Variants in ZNF704 observed in about 807,000 individuals in gnomAD.
The protein encoded by ZNF704 is glucocorticoid induced gene 1.
ZNF704 carries 10 observed loss-of-function variants against 44.7 expected under a neutral mutation model. That is an observed-to-expected ratio of 0.22 (90% CI 0.14 to 0.38). The LOEUF is 0.38. Among genes scored for constraint, ZNF704 ranks in the 10% least tolerant of loss-of-function variants. The probability of loss-of-function intolerance (pLI) is 1.00; values close to 1 mark genes in which losing one functional copy is unlikely to be tolerated. For synonymous variants in ZNF704, 211 were observed against 207.6 expected (o/e 1.02, Z -0.14); for missense variants, 390 against 545.5 (o/e 0.71, Z 2.84).
chr8:80,637,089 C>T lies in ZNF704; in HGVS notation c.*4277G>A, dbSNP rs1444363378. On this transcript the variant is annotated 3_prime_UTR_variant, in exon 9 of 9. Coordinates refer to ENST00000327835, the MANE Select transcript of ZNF704 (RefSeq NM_001033723.3). ...ACCCCCAGGCATTGCACCTGTGGTT[C>T]AAATGTTAGCCTTAGGCTACAGGTC... is the stretch of plus-strand genomic sequence containing the variant. 1 of 124,104 alleles carries T rather than the reference C, an allele frequency of 8.1e-6. No homozygotes were observed. Among genetic ancestry groups the T allele is most frequent in the African/African-American group, 3.0e-5 (1 of 33,690 alleles). The allele number at this position is 124,104 out of a possible 1,614,324, so 7.7% of individuals were successfully genotyped here. A position where few individuals can be genotyped will look rare whatever the true frequency, so the allele number is the denominator to read the frequency against.
intron 2 of ZNF704, among the ~76,000 whole-genome samples, chr8:80,808,688 A>G (rs1342784091): frequency 6.6e-6 from 1 of 152,198 alleles, no homozygotes. Context: ...GGCACTTTCA[A>G]CGTGATCGTT....
intron 1 of ZNF704, among the ~76,000 whole-genome samples, chr8:80,843,959 GTATATATATGTGTA>G (rs1323398225): frequency 7.2e-5 from 10 of 139,154 alleles, no homozygotes; most frequent in African/African-American, 2.3e-4. Context: ...ATATATATGT[GTATATATATGTGTA>G]TATATATATA....
At chr8:80,832,359 G>C (rs1002720109) in intron 1 of ZNF704, among the ~76,000 whole-genome samples, 24 of 152,166 alleles carry the variant, frequency 1.6e-4, no homozygotes, top group African/African-American at 5.8e-4. Context: ...GGTTTCCACA[G>C]GAAGATCATA....
chr8:80,692,741 C>A (rs1165840797), intron 3 of ZNF704, among the ~76,000 whole-genome samples: 1 of 152,134 alleles, frequency 6.6e-6, no homozygotes, highest in African/African-American at 2.4e-5. Context: ...GCAAAGACGT[C>A]CTGGCAAGGC....
chr8:80,789,403 A>C (rs1010783819), intron 2 of ZNF704, among the ~76,000 whole-genome samples: 1 of 152,152 alleles, frequency 6.6e-6, no homozygotes, highest in African/African-American at 2.4e-5. Flanking sequence ...TAATGTGCTA[A>C]GTTAAATTAA....
rs1386879063 is a variant in ZNF704 at position 80,759,945 on chromosome 8, T to A, written c.221+61429A>T. 2.0e-5 allele frequency among the ~76,000 whole-genome samples: 3 copies of A among 152,266 alleles called. No homozygotes were observed. In the South Asian group the frequency reaches 6.2e-4, roughly 32 times the overall value. Reference sequence around the variant, plus strand: ...ATTAAAAAAATACATTTTGTAGAGATGGGGATCTTACTATGTTACTCAGGC... The same window carrying A: ...ATTAAAAAAATACATTTTGTAGAGAAGGGGATCTTACTATGTTACTCAGGC... On this transcript the variant is annotated intron_variant, in intron 2 of 8. Coordinates refer to ENST00000327835, the MANE Select transcript of ZNF704 (RefSeq NM_001033723.3).
chr8:80,779,302 C>A (rs1440157964), intron 2 of ZNF704, among the ~76,000 whole-genome samples: 2 of 152,164 alleles, frequency 1.3e-5, no homozygotes, highest in Non-Finnish European at 2.9e-5. Context: ...TGTGCAGTGG[C>A]ACGATCTTGG....
chr8:80,734,533 TAGAA>T (rs1002902720), intron 2 of ZNF704, among the ~76,000 whole-genome samples: 46 of 152,322 alleles, frequency 3.0e-4, no homozygotes, highest in African/African-American at 1.1e-3. Flanking sequence ...TAATTTTCAT[TAGAA>T]AGGAAGGAAA....
At chr8:80,782,672 A>G (rs1029666292) in intron 2 of ZNF704, among the ~76,000 whole-genome samples, 1 of 152,138 alleles carries the variant, frequency 6.6e-6, no homozygotes, top group Non-Finnish European at 1.5e-5. Flanking sequence ...GACCAGGGTA[A>G]GAAAGAGCCT....
At chr8:80,735,438 G>A (rs1226687670) in intron 2 of ZNF704, among the ~76,000 whole-genome samples, 2 of 152,134 alleles carry the variant, frequency 1.3e-5, no homozygotes, top group Non-Finnish European at 2.9e-5. Context: ...CTATACACAG[G>A]TTACAAACCT....
intron 1 of ZNF704, among the ~76,000 whole-genome samples, chr8:80,826,933 TAAG>T (rs1808388041): frequency 6.6e-6 from 1 of 152,106 alleles, no homozygotes; most frequent in South Asian, 2.1e-4. Flanking sequence ...CTCAAAATAA[TAAG>T]AGCTATTTAT....
chr8:80,751,080 A>C (rs1305437920), intron 2 of ZNF704, among the ~76,000 whole-genome samples: 1 of 152,252 alleles, frequency 6.6e-6, no homozygotes, highest in Non-Finnish European at 1.5e-5. Flanking sequence ...AACAATGTTA[A>C]TGAGAAAACT....
chr8:80,731,503 T>A (rs1247608771), intron 2 of ZNF704, among the ~76,000 whole-genome samples: 3 of 152,212 alleles, frequency 2.0e-5, no homozygotes, highest in Non-Finnish European at 4.4e-5. Flanking sequence ...TAATGGGATT[T>A]CAATACTTCA....
intron 7 of ZNF704, among the ~76,000 whole-genome samples, chr8:80,656,487 G>GAA (rs1311369132): frequency 3.9e-5 from 6 of 152,264 alleles, no homozygotes; most frequent in African/African-American, 1.4e-4. Context: ...ACATGTCAAA[G>GAA]AAAGTTGTAA....
At chr8:80,747,753 G>A (rs1309088873) in intron 2 of ZNF704, among the ~76,000 whole-genome samples, 5 of 152,138 alleles carry the variant, frequency 3.3e-5, no homozygotes, top group African/African-American at 1.2e-4. Flanking sequence ...AGTCTCGCTC[G>A]GTCGCCAGGC....
At chr8:80,878,781 C>A (rs988566311), upstream of ZNF704, among the ~76,000 whole-genome samples, 2 of 152,168 alleles carry the variant, frequency 1.3e-5, no homozygotes, top group Non-Finnish European at 2.9e-5. Context: ...TCAAAACACA[C>A]AGTACTTTCA....
intron 7 of ZNF704, among the ~76,000 whole-genome samples, chr8:80,656,986 C>A (rs1410330511): frequency 6.6e-6 from 1 of 152,058 alleles, no homozygotes; most frequent in Non-Finnish European, 1.5e-5. Context: ...CCCTATTACA[C>A]CAATTTAGAG....
chr8:80,787,607 TA>T (rs1269588222), intron 2 of ZNF704, among the ~76,000 whole-genome samples: 1 of 152,210 alleles, frequency 6.6e-6, no homozygotes, highest in Non-Finnish European at 1.5e-5. Flanking sequence ...CTGATTTCTT[TA>T]ATTTTCTAGT....
intron 1 of ZNF704, among the ~76,000 whole-genome samples, chr8:80,860,033 G>C (rs1809032273): frequency 6.6e-6 from 1 of 152,162 alleles, no homozygotes; most frequent in South Asian, 2.1e-4. Flanking sequence ...AGACAGTGTG[G>C]GGCAAACAAG....
Sources: gnomAD v4.1 joint callset for allele counts (sites outside exome capture counted in the v4.1 genomes callset) on GRCh38, gnomAD v4.1.1 for gene constraint, MANE v1.5 for transcripts, NCBI Gene and HGNC (gene_info 2026-07-23, HGNC 2026-07-21) for gene names.